PRKCB: variants seen among roughly 807,000 people sequenced by gnomAD.
PRKCB encodes the protein protein kinase C beta type.
A neutral mutation model predicts 81.5 loss-of-function variants in PRKCB; 13 were observed. That is an observed-to-expected ratio of 0.16 (90% CI 0.10 to 0.25). The LOEUF is 0.25. Among genes scored for constraint, PRKCB ranks in the 10% least tolerant of loss-of-function variants. The probability of loss-of-function intolerance (pLI) is 1.00; values close to 1 mark genes in which losing one functional copy is unlikely to be tolerated. For missense variants in PRKCB, 509 were observed against 875.7 expected (o/e 0.58, Z 5.29); for synonymous variants, 335 against 321.4 (o/e 1.04, Z -0.45).
chr16:23,887,124 C>G (rs1963216037), intron 2 of PRKCB, among the ~76,000 whole-genome samples: 1 of 152,004 alleles, frequency 6.6e-6, no homozygotes, highest in Admixed American at 6.5e-5. Flanking sequence ...TGCTTTCTTG[C>G]TTTCTGTCAC....
At chr16:23,966,668 T>C (rs543193241) in intron 2 of PRKCB, among the ~76,000 whole-genome samples, 2 of 152,314 alleles carry the variant, frequency 1.3e-5, no homozygotes, top group African/African-American at 4.8e-5. Context: ...TGCAGGAGAC[T>C]AGAAGGGGAC....
At chr16:24,080,026 A>G (rs761232322) in intron 5 of PRKCB, among the ~76,000 whole-genome samples, 4 of 152,220 alleles carry the variant, frequency 2.6e-5, no homozygotes, top group South Asian at 2.1e-4. Flanking sequence ...GAATCATATT[A>G]TTAATAGATT....
At chr16:24,036,723 G>T (rs1351361386) in intron 5 of PRKCB, among the ~76,000 whole-genome samples, 1 of 152,138 alleles carries the variant, frequency 6.6e-6, no homozygotes, top group Non-Finnish European at 1.5e-5. Context: ...CCTCCAAGTG[G>T]TCGCCTGCCT....
chr16:23,891,869 T>G (rs376717984), intron 2 of PRKCB, among the ~76,000 whole-genome samples: 37 of 152,296 alleles, frequency 2.4e-4, no homozygotes, highest in African/African-American at 8.9e-4. Flanking sequence ...GCACAGAAAT[T>G]TTGCAGGCTC....
chr16:23,897,952 G>A (rs1226604286), intron 2 of PRKCB, among the ~76,000 whole-genome samples: 3 of 151,934 alleles, frequency 2.0e-5, no homozygotes, highest in Non-Finnish European at 4.4e-5. Context: ...AGGCTGGAGT[G>A]CAATGGCGTG....
intron 9 of PRKCB, among the ~76,000 whole-genome samples, chr16:24,124,912 A>C (rs1217590408): frequency 6.6e-6 from 1 of 152,128 alleles, no homozygotes; most frequent in African/African-American, 2.4e-5. Context: ...GTTCCTTCAA[A>C]GTATATCATG....
At chr16:23,856,185 T>C (rs1181212818) in intron 2 of PRKCB, among the ~76,000 whole-genome samples, 1 of 152,196 alleles carries the variant, frequency 6.6e-6, no homozygotes, top group East Asian at 1.9e-4. Context: ...GTCATCCAGC[T>C]ACCAGAGAGG....
At chr16:23,945,079 G>C (rs547058645) in intron 2 of PRKCB, among the ~76,000 whole-genome samples, 1 of 152,200 alleles carries the variant, frequency 6.6e-6, no homozygotes, top group African/African-American at 2.4e-5. Flanking sequence ...GAGGGCCAGA[G>C]AGGGGACTTC....
chr16:24,032,391 A>C (rs1388479592), intron 4 of PRKCB, 144 bp downstream of exon 4: 3 of 578,014 alleles, frequency 5.2e-6, no homozygotes, highest in Non-Finnish European at 9.1e-6. Flanking sequence ...GTTGCTGCAT[A>C]ATGATCCTCC....
At chr16:23,935,489 G>A (rs1445149336) in intron 2 of PRKCB, among the ~76,000 whole-genome samples, 1 of 151,992 alleles carries the variant, frequency 6.6e-6, no homozygotes, top group Admixed American at 6.5e-5. Context: ...GGACCCAAAG[G>A]AGCATACAAT....
At chr16:24,082,379 G>T (rs777385106) in intron 5 of PRKCB, among the ~76,000 whole-genome samples, 16 of 152,148 alleles carry the variant, frequency 1.1e-4, no homozygotes, top group Non-Finnish European at 1.9e-4. Context: ...TTGTATAGAA[G>T]GGCAGTGAAT....
intron 3 of PRKCB, among the ~76,000 whole-genome samples, chr16:24,016,170 G>A (rs1965274880): frequency 6.6e-6 from 1 of 151,928 alleles, no homozygotes; most frequent in African/African-American, 2.4e-5. Context: ...GGTTAACTAG[G>A]GATAACATCA....
At chr16:23,891,311 C>G (rs1166170313) in intron 2 of PRKCB, among the ~76,000 whole-genome samples, 1 of 152,152 alleles carries the variant, frequency 6.6e-6, no homozygotes, top group East Asian at 1.9e-4. Context: ...TCTCAGCCTC[C>G]CAAAGTGCTG....
At chr16:24,189,691 C>CAGT (rs1438041660) in intron 15 of PRKCB, among the ~76,000 whole-genome samples, 1 of 150,688 alleles carries the variant, frequency 6.6e-6, no homozygotes, top group East Asian at 1.9e-4. Flanking sequence ...TGTAAGTGCT[C>CAGT]AGTTAATTTC....
At chr16:24,104,547 A>AAACAAGAAATGGGGACAAGGAATCTTG (rs1966551198) in intron 7 of PRKCB, among the ~76,000 whole-genome samples, 1 of 152,238 alleles carries the variant, frequency 6.6e-6, no homozygotes, top group Non-Finnish European at 1.5e-5. Flanking sequence ...AGAGAAAAGT[A>AAACAAGAAATGGGGACAAGGAATCTTG]AACAAGAAAT....
At chr16:23,968,159 A>T (rs1341377429) in intron 2 of PRKCB, among the ~76,000 whole-genome samples, 1 of 151,996 alleles carries the variant, frequency 6.6e-6, no homozygotes, top group Non-Finnish European at 1.5e-5. Flanking sequence ...GAGATGATGG[A>T]ATCTAGGTTC....
At chr16:23,937,595 G>A (rs1964080724) in intron 2 of PRKCB, among the ~76,000 whole-genome samples, 1 of 152,040 alleles carries the variant, frequency 6.6e-6, no homozygotes, top group Non-Finnish European at 1.5e-5. Context: ...TAACTCAAAG[G>A]CAGATGGCAC....
At chr16:23,884,113 C>T (rs1269070246) in intron 2 of PRKCB, among the ~76,000 whole-genome samples, 1 of 152,216 alleles carries the variant, frequency 6.6e-6, no homozygotes, top group Non-Finnish European at 1.5e-5. Context: ...TCAGTAGCCA[C>T]ATATGGCTAG....
intron 2 of PRKCB, among the ~76,000 whole-genome samples, chr16:23,865,569 GTATA>G (rs61534840): frequency 5.1e-4 from 3 of 5,886 alleles, no homozygotes; most frequent in African/African-American, 2.7e-3. Context: ...GTGTGTGTGT[GTATA>G]TGTATATTTA....
Sources: allele counts gnomAD v4.1 joint callset (sites outside exome capture counted in the v4.1 genomes callset), GRCh38; gene constraint gnomAD v4.1.1; transcripts MANE v1.5; gene names NCBI Gene and HGNC (gene_info 2026-07-23, HGNC 2026-07-21).